SUMF1: variants seen among roughly 807,000 people sequenced by gnomAD.
SUMF1 encodes the protein formylglycine-generating enzyme.
SUMF1 carries 48 observed loss-of-function variants against 47.6 expected under a neutral mutation model. The ratio of observed to expected loss-of-function variants is 1.01; its 90% CI spans 0.80 to 1.28. SUMF1 has a LOEUF of 1.28. Ranked by LOEUF, SUMF1 falls within the 50% of genes most tolerant of loss-of-function variation. The pLI is 0.00. For missense variants in SUMF1, 571 were observed against 485.4 expected (o/e 1.18, Z -1.66); for synonymous variants, 230 against 192.1 (o/e 1.20, Z -1.63).
chr3:4,258,843 GC>G (rs937180388), intron 8 of SUMF1, among the ~76,000 whole-genome samples: 1 of 136,820 alleles, frequency 7.3e-6, no homozygotes, highest in African/African-American at 2.7e-5. Flanking sequence ...ATTCACAATA[GC>G]AAAGACTTGG....
At chr3:4,457,768 A>AG (rs1169680417) in intron 1 of SUMF1, among the ~76,000 whole-genome samples, 4 of 152,248 alleles carry the variant, frequency 2.6e-5, no homozygotes. Flanking sequence ...TTAAATGTAC[A>AG]GTCTGAAACT....
chr3:4,223,254 G>C (rs1389624766), intron 8 of SUMF1, among the ~76,000 whole-genome samples: 2 of 152,160 alleles, frequency 1.3e-5, no homozygotes, highest in African/African-American at 4.8e-5. Flanking sequence ...TTAAGAGAAA[G>C]AATAGACTTC....
intron 8 of SUMF1, chr3:4,303,437 GC>G: frequency 1.9e-6 from 3 of 1,552,442 alleles, no homozygotes; most frequent in East Asian, 2.7e-5. Flanking sequence ...GAAGCCTGAG[GC>G]CCCGACTGAG....
intron 8 of SUMF1, among the ~76,000 whole-genome samples, chr3:4,161,025 T>G (rs539932308): frequency 1.3e-5 from 2 of 152,288 alleles, no homozygotes; most frequent in African/African-American, 2.4e-5. Context: ...TTTTAGTCAT[T>G]GCAGCTGTAT....
At chr3:4,054,919 G>A (rs139129174) in intron 9 of SUMF1, among the ~76,000 whole-genome samples, 2 of 152,258 alleles carry the variant, frequency 1.3e-5, no homozygotes, top group Non-Finnish European at 2.9e-5. Context: ...TTGAGACTGA[G>A]AAATGTTAGG....
chr3:4,065,819 A>G (rs1203158609), intron 9 of SUMF1, among the ~76,000 whole-genome samples: 1 of 152,134 alleles, frequency 6.6e-6, no homozygotes, highest in African/African-American at 2.4e-5. Flanking sequence ...TAGTAACCTG[A>G]GGCTAGCAAC....
At chr3:4,230,659 G>A (rs577619285) in intron 8 of SUMF1, among the ~76,000 whole-genome samples, 16 of 152,118 alleles carry the variant, frequency 1.1e-4, no homozygotes, top group East Asian at 1.9e-4. Flanking sequence ...ATCATTGCCC[G>A]CTGGTGATTA....
chr3:4,104,278 G>A (rs141816175), intron 8 of SUMF1, among the ~76,000 whole-genome samples: 2 of 152,238 alleles, frequency 1.3e-5, no homozygotes, highest in Non-Finnish European at 2.9e-5. Context: ...CACCATGTAA[G>A]ATGTGCCTTT....
intron 3 of SUMF1, among the ~76,000 whole-genome samples, chr3:4,433,598 G>A (rs371542246): frequency 6.6e-6 from 1 of 152,162 alleles, no homozygotes. Context: ...CCCTGTTGAC[G>A]GGGCCAGTGT....
rs548990271 is a variant in SUMF1, at chr3:4,097,402, A to T, written c.1015-28657T>A. On this transcript the variant is annotated intron_variant and NMD_transcript_variant, in intron 8 of 12. Coordinates refer to the SUMF1 transcript ENST00000448413. ...ACCCCATCTCTACTAAAAAGACAAA[A>T]ATTAGCCAGGCGTGGGGGCAGGTGC... 1.2e-3 allele frequency among the ~76,000 whole-genome samples: 189 copies of T among 151,940 alleles called. 2 individuals are homozygous for T. Among genetic ancestry groups the T allele is most frequent in the Admixed American group, 6.7e-3 (103 of 15,270 alleles).
chr3:4,337,197 CCCTCCCTCCCT>C (rs1308648371), intron 8 of SUMF1, among the ~76,000 whole-genome samples: 5 of 129,272 alleles, frequency 3.9e-5, no homozygotes, highest in African/African-American at 9.0e-5. Flanking sequence ...CTCCCTCCCT[CCCTCCCTCCCT>C]CCTTTCTTCC....
At chr3:4,227,439 G>A (rs1696198511) in intron 8 of SUMF1, among the ~76,000 whole-genome samples, 1 of 152,082 alleles carries the variant, frequency 6.6e-6, no homozygotes, top group African/African-American at 2.4e-5. Flanking sequence ...AAACCACAAG[G>A]GAAACTGTAG....
chr3:4,100,073 CTTGGATTGG>C (rs1692998869), intron 8 of SUMF1, among the ~76,000 whole-genome samples: 5 of 149,988 alleles, frequency 3.3e-5, no homozygotes, highest in Admixed American at 3.3e-4. Flanking sequence ...TCTTCCAATC[CTTGGATTGG>C]AAGAATTCAT....
intron 8 of SUMF1, among the ~76,000 whole-genome samples, chr3:4,120,477 G>T (rs1177501190): frequency 6.6e-6 from 1 of 152,094 alleles, no homozygotes; most frequent in Non-Finnish European, 1.5e-5. Context: ...TATTTGTGAT[G>T]GTCTTGTACA....
chr3:4,367,416 T>C (rs1228684801), intron 8 of SUMF1, among the ~76,000 whole-genome samples: 1 of 152,190 alleles, frequency 6.6e-6, no homozygotes, highest in East Asian at 1.9e-4. Flanking sequence ...CTGCCCAAGG[T>C]AATTTATAGA....
At chr3:4,205,632 C>G (rs904204280) in intron 8 of SUMF1, among the ~76,000 whole-genome samples, 7 of 152,200 alleles carry the variant, frequency 4.6e-5, no homozygotes, top group African/African-American at 1.7e-4. Context: ...CAGCCATTAT[C>G]TGCTTTGGGG....
rs1332912850 is a variant in SUMF1 at position 4,301,115 on chromosome 3, C to G, written c.1014+75215G>C. Among the ~76,000 whole-genome samples the G allele has an allele frequency of 3.3e-5, 5 of 152,064 alleles. No homozygotes were observed. The East Asian group carries it at 5.8e-4, about 18-fold the overall frequency. The stretch of plus-strand genomic sequence containing the variant: ...AGAAATGGCTTATAAAGTAGGAGAA[C>G]TAATGTAAAGAGGGTAACCAATGCT... On this transcript the variant is annotated intron_variant and NMD_transcript_variant, in intron 8 of 12. Coordinates refer to the SUMF1 transcript ENST00000448413.
chr3:4,456,301 AC>A (rs907013709), intron 1 of SUMF1, among the ~76,000 whole-genome samples: 5 of 152,190 alleles, frequency 3.3e-5, no homozygotes, highest in African/African-American at 1.2e-4. Context: ...TAGATTCAGA[AC>A]AAGCCAAGGA....
At chr3:4,281,041 G>C (rs539561097) in intron 8 of SUMF1, among the ~76,000 whole-genome samples, 5 of 152,210 alleles carry the variant, frequency 3.3e-5, no homozygotes, top group African/African-American at 1.2e-4. Context: ...GGGTAACAGT[G>C]GGGGTCGGGG....
Sources: gnomAD v4.1 joint callset for allele counts (sites outside exome capture counted in the v4.1 genomes callset) on GRCh38, gnomAD v4.1.1 for gene constraint, MANE v1.5 for transcripts, NCBI Gene and HGNC (gene_info 2026-07-23, HGNC 2026-07-21) for gene names.